HOOK1: variants seen among roughly 807,000 people sequenced by gnomAD.
HOOK1 encodes the protein hook microtubule tethering protein 1, also known as protein Hook homolog 1.
In HOOK1, 60 loss-of-function variants were observed where a neutral mutation model predicts 112.8. The observed-to-expected ratio is 0.53, with a 90% confidence interval of 0.43 to 0.66. The LOEUF (loss-of-function observed/expected upper bound fraction) is 0.66. Among genes scored for constraint, HOOK1 ranks in the 30% least tolerant of loss-of-function variants. The pLI is 0.00. For missense variants in HOOK1, 770 were observed against 856.0 expected, an observed-to-expected ratio of 0.90 and a Z score of 1.25; for synonymous variants, 294 against 283.8, an observed-to-expected ratio of 1.04 and a Z score of -0.36.
intron 2 of HOOK1, among the ~76,000 whole-genome samples, chr1:59,825,353 T>C (rs1332753812): frequency 2.0e-5 from 3 of 152,250 alleles, no homozygotes; most frequent in Non-Finnish European, 4.4e-5. Flanking sequence ...TCTGTTCCTA[T>C]TGTCTTTGAC....
chr1:59,846,749 A>AT (rs1277364949), intron 9 of HOOK1, among the ~76,000 whole-genome samples: 2 of 150,102 alleles, frequency 1.3e-5, no homozygotes, highest in East Asian at 2.0e-4. Context: ...TTCTGTTGTG[A>AT]TTTTTTTTCT....
chr1:59,862,703 G>T, intron 15 of HOOK1, 81 bp from the exon 16 acceptor site: 2 of 758,298 alleles, frequency 2.6e-6, no homozygotes, highest in Non-Finnish European at 4.5e-6. Context: ...TACTTAAATT[G>T]CTAACTGAAT....
chr1:59,857,591 G>C (rs2098411366), intron 12 of HOOK1, among the ~76,000 whole-genome samples: 2 of 152,140 alleles, frequency 1.3e-5, no homozygotes, highest in African/African-American at 4.8e-5. Flanking sequence ...AGATCCTTAA[G>C]GCACCTACGG....
In HOOK1 at chr1:59,815,370, G is replaced by C. The variant is rs2098380498; in HGVS notation, c.63+190G>C. On this transcript the variant is annotated intron_variant, in intron 1 of 21. Transcript: ENST00000371208. Reference sequence around the variant, plus strand: ...CGGGCAGGTGTGTGGGCGCGGGTTGGTGTCCGGGGGTGGGGGTAAAGGAAG... The same window carrying C: ...CGGGCAGGTGTGTGGGCGCGGGTTGCTGTCCGGGGGTGGGGGTAAAGGAAG... 5.0e-6 allele frequency: 3 copies of C among 597,942 alleles called. No homozygotes were observed. The African/African-American group carries it at 5.7e-5, about 11-fold the overall frequency. 37.0% of individuals were successfully genotyped at this position (597,942 alleles called of 1,614,324 possible).
intron 2 of HOOK1, among the ~76,000 whole-genome samples, chr1:59,826,218 TC>T (rs984706234): frequency 4.3e-4 from 66 of 152,276 alleles, no homozygotes; most frequent in African/African-American, 1.4e-3. Context: ...TAGTCCTGTG[TC>T]CCCTTTCTTA....
At chr1:59,868,180 G>A in intron 19 of HOOK1, 70 bp from the exon 20 acceptor site, 1 of 821,900 alleles carries the variant, frequency 1.2e-6, no homozygotes, top group Non-Finnish European at 2.0e-6. Context: ...CACAGTTTTT[G>A]TAAGATATGT....
chr1:59,856,113 C>CTTTT (rs759844337), intron 12 of HOOK1, among the ~76,000 whole-genome samples: 1 of 114,020 alleles, frequency 8.8e-6, no homozygotes, highest in African/African-American at 3.2e-5. Context: ...TTTTGCTTTG[C>CTTTT]TTTTTTTTTT....
At chr1:59,861,299 A>G (rs2098413475) in intron 15 of HOOK1, among the ~76,000 whole-genome samples, 2 of 152,214 alleles carry the variant, frequency 1.3e-5, no homozygotes, top group African/African-American at 4.8e-5. Flanking sequence ...TTGGCTTTCT[A>G]CTGAAGTCTA....
chr1:59,828,747 T>C (rs1378642636), intron 2 of HOOK1, 33 bp from the exon 3 acceptor site: 13 of 1,595,346 alleles, frequency 8.1e-6, no homozygotes, highest in African/African-American at 2.7e-5. Context: ...AAAAACATTT[T>C]CATCTTTAGT....
chr1:59,852,957 G>T (rs2098408023), intron 12 of HOOK1, among the ~76,000 whole-genome samples: 1 of 151,790 alleles, frequency 6.6e-6, no homozygotes, highest in African/African-American at 2.4e-5. Context: ...TTGTGTCATT[G>T]ATTTATTTAA....
intron 20 of HOOK1, among the ~76,000 whole-genome samples, chr1:59,869,569 G>A (rs1001020340): frequency 2.0e-5 from 3 of 152,062 alleles, no homozygotes; most frequent in African/African-American, 7.2e-5. Flanking sequence ...CTTTTTCTTG[G>A]TATTTGAGCA....
At position 59,864,686 on chromosome 1, in the gene HOOK1, CT is replaced by C; in HGVS notation, c.1661+24del. On this transcript the variant is annotated intron_variant, in intron 17 of 21. Transcript: ENST00000371208. Reference sequence around the variant, plus strand: ...TCATATGTAAGTAAAACTGATATTTCTTTTCAAATATGAGAAGGGAGGGGTT... The same window carrying C: ...TCATATGTAAGTAAAACTGATATTTCTTTCAAATATGAGAAGGGAGGGGTT... The C allele has an allele frequency of 7.0e-7, 1 of 1,436,772 alleles. No homozygotes were observed. The highest frequency in any genetic ancestry group is 9.7e-7 in the Non-Finnish European group (1 of 1,030,726). The allele number at this position is 1,436,772 out of a possible 1,614,324, so 89.0% of individuals were successfully genotyped here.
chr1:59,873,196 A>G lies in HOOK1; in HGVS notation c.*231A>G. 1 of 341,324 alleles carries G rather than the reference A, an allele frequency of 2.9e-6. No homozygotes were observed. Among genetic ancestry groups the G allele is most frequent in the East Asian group, 4.5e-5 (1 of 22,340 alleles). 21.1% of individuals were successfully genotyped at this position (341,324 alleles called of 1,614,324 possible). On this transcript the variant is annotated 3_prime_UTR_variant, in exon 22 of 22. Coordinates refer to ENST00000371208, the MANE Select transcript of HOOK1 (RefSeq NM_015888.6). ...CATTTGAATAATTGGAGATGCAGTT[A>G]TACACACATTTCAAACAAACATTTG...
At chr1:59,849,762 C>T (rs1054130917) in intron 12 of HOOK1, among the ~76,000 whole-genome samples, 1 of 151,588 alleles carries the variant, frequency 6.6e-6, no homozygotes, top group African/African-American at 2.4e-5. Flanking sequence ...CTGACTCTTG[C>T]AAGGTTCATC....
At chr1:59,827,500 C>T (rs929825193) in intron 2 of HOOK1, among the ~76,000 whole-genome samples, 1 of 152,098 alleles carries the variant, frequency 6.6e-6, no homozygotes, top group African/African-American at 2.4e-5. Context: ...CTCATTAACT[C>T]GATTCATTCA....
At chr1:59,829,556 A>G (rs2098392302) in intron 3 of HOOK1, among the ~76,000 whole-genome samples, 1 of 152,096 alleles carries the variant, frequency 6.6e-6, no homozygotes. Context: ...TTGTTGATAC[A>G]CAGTCCTTAA....
intron 19 of HOOK1, 78 bp downstream of exon 19, chr1:59,866,050 C>G: frequency 1.3e-6 from 1 of 774,500 alleles, no homozygotes; most frequent in Non-Finnish European, 2.2e-6. Flanking sequence ...ATTTTTCTGC[C>G]ATTCTTGTAT....
In HOOK1 at chr1:59,823,087, G is replaced by A. The variant is rs529477122; in HGVS notation, c.149+1144G>A. 7.2e-5 allele frequency among the ~76,000 whole-genome samples: 11 copies of A among 152,336 alleles called. No homozygotes were observed. The South Asian group carries it at 1.0e-3, about 14-fold the overall frequency. ...TGTAATCCCAGCACTTCGGGAGGCCGAGGAGGGCGAATCACAAGGTCAGCA... is the reference window on the plus strand; with the variant it reads ...TGTAATCCCAGCACTTCGGGAGGCCAAGGAGGGCGAATCACAAGGTCAGCA... On this transcript the variant is annotated intron_variant, in intron 2 of 21. Coordinates refer to ENST00000371208, the MANE Select transcript of HOOK1 (RefSeq NM_015888.6).
chr1:59,849,336 A>T (rs1336796623), intron 12 of HOOK1, among the ~76,000 whole-genome samples, 153 bp downstream of exon 12: 1 of 151,554 alleles, frequency 6.6e-6, no homozygotes, highest in Non-Finnish European at 1.5e-5. Context: ...AATGACTTAC[A>T]TCTTCTTTCA....
Sources: gnomAD v4.1 joint callset for allele counts (sites outside exome capture counted in the v4.1 genomes callset) on GRCh38, gnomAD v4.1.1 for gene constraint, MANE v1.5 for transcripts, NCBI Gene and HGNC (gene_info 2026-07-23, HGNC 2026-07-21) for gene names.